The following RASEF variants were observed in gnomAD, a reference collection of about 807,000 sequenced individuals.
The protein encoded by RASEF is ras and EF-hand domain-containing protein.
Under a neutral mutation model 90.1 loss-of-function variants are expected in RASEF, and 68 were observed. The ratio of observed to expected loss-of-function variants is 0.75; its 90% CI spans 0.62 to 0.92. The LOEUF is 0.92. Ranked by LOEUF, RASEF falls within the 40% of genes least tolerant of loss-of-function variation. RASEF has a pLI of 0.00. For synonymous variants in RASEF, 331 were observed against 345.2 expected (o/e 0.96, Z 0.46); for missense variants, 949 against 937.2 (o/e 1.01, Z -0.16).
At chr9:83,193,111 T>C in the RASEF span, among the ~76,000 whole-genome samples, 1 of 152,208 alleles carries the variant, frequency 6.6e-6, no homozygotes, top group Non-Finnish European at 1.5e-5. Context: ...GCAACAAGAC[T>C]AGTGGCCAAC....
At chr9:83,102,416 C>T in the RASEF span, among the ~76,000 whole-genome samples, 1 of 152,312 alleles carries the variant, frequency 6.6e-6, no homozygotes, top group East Asian at 1.9e-4. Context: ...TGCCAATACA[C>T]ACCTTAAGCG....
chr9:83,176,180 C>T, the RASEF span, among the ~76,000 whole-genome samples: 6 of 152,106 alleles, frequency 3.9e-5, no homozygotes, highest in Admixed American at 6.6e-5. Flanking sequence ...GCATTTGGGG[C>T]TCTGCTGTGC....
chr9:82,982,784 TGAGACAGAGATAGAGA>T lies in RASEF; in HGVS notation c.2118-18_2118-3del, dbSNP rs764083266. On this transcript the variant is annotated splice_region_variant and splice_polypyrimidine_tract_variant and intron_variant, in intron 16 of 16. Coordinates refer to ENST00000376447, the MANE Select transcript of RASEF (RefSeq NM_152573.4). ...TTGTCAGTTCTCTTTTTCACTTCTC[TGAGACAGAGATAGAGA>T]GAGACAGAGAGAGAGAGAGAGAGAG... 4 of 1,518,028 alleles carry T rather than the reference TGAGACAGAGATAGAGA, an allele frequency of 2.6e-6. No homozygotes were observed. The highest frequency in any genetic ancestry group is 1.7e-5 in the Admixed American group (1 of 58,616). The allele number at this position is 1,518,028 out of a possible 1,614,324, so 94.0% of individuals were successfully genotyped here. A position where few individuals can be genotyped will look rare whatever the true frequency, so the allele number is the denominator to read the frequency against.
At chr9:83,122,482 T>G in the RASEF span, among the ~76,000 whole-genome samples, 1 of 152,084 alleles carries the variant, frequency 6.6e-6, no homozygotes, top group Admixed American at 6.5e-5. Context: ...CTAGTATATT[T>G]CTCTGTAGGC....
chr9:83,033,226 A>AC (rs1829677336), intron 1 of RASEF, among the ~76,000 whole-genome samples: 1 of 152,224 alleles, frequency 6.6e-6, no homozygotes, highest in Non-Finnish European at 1.5e-5. Context: ...TGAGACATGA[A>AC]AACATGCATG....
At chr9:83,144,287 A>G in the RASEF span, among the ~76,000 whole-genome samples, 14 of 147,786 alleles carry the variant, frequency 9.5e-5, no homozygotes, top group African/African-American at 3.5e-4. Flanking sequence ...TATATCCCCT[A>G]TATCTAAAAT....
chr9:83,164,373 A>ATATATATATATATATATATATATATG, the RASEF span, among the ~76,000 whole-genome samples: 41 of 141,930 alleles, frequency 2.9e-4, no homozygotes, highest in Non-Finnish European at 5.5e-4. Context: ...ATATATATAT[A>ATATATATATATATATATATATATATG]TGTGTGTGTG....
At chr9:83,193,678 A>G in the RASEF span, among the ~76,000 whole-genome samples, 1 of 152,318 alleles carries the variant, frequency 6.6e-6, no homozygotes, top group South Asian at 2.1e-4. Context: ...TGTGGTATTG[A>G]ATGTGGTAAC....
chr9:83,089,663 TG>T, the RASEF span, among the ~76,000 whole-genome samples: 1 of 152,158 alleles, frequency 6.6e-6, no homozygotes, highest in Non-Finnish European at 1.5e-5. Context: ...GAGGATCCTT[TG>T]TAGGTGATTT....
In RASEF at chr9:83,062,462, C is replaced by T. The variant is rs755268032; in HGVS notation, c.406G>A (p.Gly136Arg). ...RAWQDFQARL[G>R]DEAKFIPREE... The stretch of plus-strand genomic sequence containing the variant: ...CTGGGAATGAACTTGGCTTCGTCCC[C>T]AAGTCGCGCCTGGAAATCCTGCCAA... The change falls in exon 1 of 17, where the codon GGG becomes AGG. Residue 136 changes from glycine to arginine, a missense_variant. Physicochemically the swap from Gly to Arg is moderately radical, Grantham distance 125. Transcript: ENST00000376447. The T allele has an allele frequency of 2.1e-5, 34 of 1,612,996 alleles. No individual in the cohort carries two copies. The highest frequency in any genetic ancestry group is 2.9e-5 in the Non-Finnish European group (34 of 1,179,696).
At chr9:82,993,371 C>T (rs889824991) in intron 14 of RASEF, among the ~76,000 whole-genome samples, 1 of 152,146 alleles carries the variant, frequency 6.6e-6, no homozygotes, top group African/African-American at 2.4e-5. Context: ...AAAGGAAACA[C>T]ATATCTGTTA....
the RASEF span, among the ~76,000 whole-genome samples, chr9:83,182,389 G>A: frequency 6.6e-6 from 1 of 152,130 alleles, no homozygotes; most frequent in Non-Finnish European, 1.5e-5. Context: ...CATCAGAAGT[G>A]TTTTGTTTAT....
chr9:83,104,589 C>T, the RASEF span, among the ~76,000 whole-genome samples: 6 of 152,100 alleles, frequency 3.9e-5, no homozygotes, highest in East Asian at 1.9e-4. Flanking sequence ...TGGTGGTATC[C>T]GTCCATCTGA....
the RASEF span, among the ~76,000 whole-genome samples, chr9:83,112,464 C>T: frequency 6.6e-6 from 1 of 152,196 alleles, no homozygotes; most frequent in African/African-American, 2.4e-5. Flanking sequence ...GCGGGTGAAT[C>T]ACCTGAGGTT....
chr9:83,214,156 G>T, the RASEF span, among the ~76,000 whole-genome samples: 1 of 152,202 alleles, frequency 6.6e-6, no homozygotes, highest in Non-Finnish European at 1.5e-5. Flanking sequence ...CACTCTGGGA[G>T]GCTGAGGTGG....
chr9:82,980,676 T>G lies in RASEF; in HGVS notation c.*2001A>C, dbSNP rs1390052907. The G allele has an allele frequency of 6.6e-6, 1 of 152,188 alleles. No individual in the cohort carries two copies. Among genetic ancestry groups the G allele is most frequent in the Non-Finnish European group, 1.5e-5 (1 of 68,030 alleles). The allele number at this position is 152,188 out of a possible 1,614,324, so 9.4% of individuals were successfully genotyped here. Reference sequence around the variant, plus strand: ...AAAACCTAAACATGTGTCCCATATATCAGCATCTACATATATCTGATCCAA... The same window carrying G: ...AAAACCTAAACATGTGTCCCATATAGCAGCATCTACATATATCTGATCCAA... On this transcript the variant is annotated 3_prime_UTR_variant, in exon 17 of 17. Transcript: ENST00000376447.
At chr9:83,007,370 T>C in intron 7 of RASEF, 67 bp downstream of exon 7, 2 of 1,247,266 alleles carry the variant, frequency 1.6e-6, no homozygotes. Flanking sequence ...TTCTATGTGT[T>C]ATGTCTTTTA....
the RASEF span, among the ~76,000 whole-genome samples, chr9:83,115,612 G>T: frequency 6.6e-6 from 1 of 152,180 alleles, no homozygotes; most frequent in Admixed American, 6.5e-5. Context: ...TGTGAATCAA[G>T]ATTTTAATTT....
At chr9:83,017,910 A>G (rs748449027) in intron 3 of RASEF, among the ~76,000 whole-genome samples, 1 of 152,234 alleles carries the variant, frequency 6.6e-6, no homozygotes, top group Non-Finnish European at 1.5e-5. Context: ...AATCAATGTA[A>G]TTTGCCACAT....
Sources: allele counts gnomAD v4.1 joint callset (sites outside exome capture counted in the v4.1 genomes callset), GRCh38; gene constraint gnomAD v4.1.1; transcripts MANE v1.5; gene names NCBI Gene and HGNC (gene_info 2026-07-23, HGNC 2026-07-21).